The following UGT8 variants were observed in gnomAD, a reference collection of about 807,000 sequenced individuals.
UGT8 encodes 2-hydroxyacylsphingosine 1-beta-galactosyltransferase.
In UGT8, 12 loss-of-function variants were observed where a neutral mutation model predicts 40.5. The ratio of observed to expected loss-of-function variants is 0.30; its 90% CI spans 0.19 to 0.48. The LOEUF (loss-of-function observed/expected upper bound fraction) is 0.48. UGT8 is among the 20% of genes least tolerant of loss of function. The pLI, the probability that UGT8 is intolerant of heterozygous loss-of-function variation, is 0.99. For missense variants in UGT8, 513 were observed against 648.7 expected (o/e 0.79, Z 2.27); for synonymous variants, 224 against 240.4 (o/e 0.93, Z 0.63).
At chr4:114,638,802 T>C (rs1486980741) in intron 2 of UGT8, among the ~76,000 whole-genome samples, 1 of 152,240 alleles carries the variant, frequency 6.6e-6, no homozygotes, top group Non-Finnish European at 1.5e-5. Flanking sequence ...GTTTTGTAGG[T>C]CTGTTGTGGC....
chr4:114,667,965 T>C lies in UGT8; in HGVS notation c.1043-120T>C, dbSNP rs556937164. 92 of 1,454,090 alleles carry C rather than the reference T, an allele frequency of 6.3e-5. No homozygotes were observed. In the South Asian group the frequency reaches 1.0e-3, roughly 16 times the overall value. The allele number at this position is 1,454,090 out of a possible 1,614,324, so 90.1% of individuals were successfully genotyped here. On this transcript the variant is annotated intron_variant, in intron 4 of 5. Transcript: ENST00000310836. ...GCAGGAATCAGTGAAATTACACCTT[T>C]AGGAATCCTTTATCTGAAATGCATG...
chr4:114,661,457 C>T (rs1045233129), intron 2 of UGT8, among the ~76,000 whole-genome samples: 2 of 152,150 alleles, frequency 1.3e-5, no homozygotes, highest in African/African-American at 2.4e-5. Flanking sequence ...GTATTCTTAT[C>T]GTGAAGTTCC....
intron 1 of UGT8, among the ~76,000 whole-genome samples, chr4:114,612,363 G>A: frequency 6.6e-6 from 1 of 151,998 alleles, no homozygotes; most frequent in Non-Finnish European, 1.5e-5. Flanking sequence ...TTAGTCCTAG[G>A]CCTCATCCCC....
intron 1 of UGT8, chr4:114,619,285 G>A (rs1731626022): frequency 6.6e-6 from 1 of 151,960 alleles, no homozygotes; most frequent in Non-Finnish European, 1.5e-5. Flanking sequence ...ATATCTTCAG[G>A]GGAAGTCTGG....
In UGT8 at chr4:114,655,202, A is replaced by G. The variant is rs191011021; in HGVS notation, c.823-8793A>G. On this transcript the variant is annotated intron_variant, in intron 2 of 5. Coordinates refer to ENST00000310836, the MANE Select transcript of UGT8 (RefSeq NM_001128174.3). ...ATAAACTTTTATTTATTTAGTTTGC[A>G]TCATCCAGAATCCTGGGATATTTGT... 2.5e-3 allele frequency among the ~76,000 whole-genome samples: 378 copies of G among 152,104 alleles called. 2 individuals carry two copies. Among genetic ancestry groups the G allele is most frequent in the Non-Finnish European group, 3.0e-3 (205 of 67,956 alleles).
intron 2 of UGT8, among the ~76,000 whole-genome samples, chr4:114,630,286 C>T (rs150930746): frequency 1.1e-3 from 161 of 152,290 alleles, no homozygotes; most frequent in African/African-American, 3.8e-3. Flanking sequence ...TCAAATGGCC[C>T]TGACTTTTAG....
chr4:114,614,090 T>C (rs1731247534), intron 1 of UGT8, among the ~76,000 whole-genome samples: 1 of 152,192 alleles, frequency 6.6e-6, no homozygotes, highest in Non-Finnish European at 1.5e-5. Flanking sequence ...AAGCCAGCTA[T>C]CACTGATAAG....
chr4:114,641,242 A>G (rs149079121), intron 2 of UGT8, among the ~76,000 whole-genome samples: 1 of 152,312 alleles, frequency 6.6e-6, no homozygotes, highest in East Asian at 1.9e-4. Flanking sequence ...CTTCATAGAC[A>G]AGGTTACCCT....
At chr4:114,624,993 T>C (rs1732106390) in intron 2 of UGT8, among the ~76,000 whole-genome samples, 1 of 152,134 alleles carries the variant, frequency 6.6e-6, no homozygotes, top group Non-Finnish European at 1.5e-5. Flanking sequence ...AGAGTCACCT[T>C]CCTAAAGGTA....
chr4:114,615,569 A>G (rs899256282), intron 1 of UGT8, among the ~76,000 whole-genome samples: 5 of 152,158 alleles, frequency 3.3e-5, no homozygotes, highest in African/African-American at 1.2e-4. Context: ...ATAAGCAGGC[A>G]GGGCTGGTGT....
intron 2 of UGT8, among the ~76,000 whole-genome samples, chr4:114,659,463 C>T (rs547815825): frequency 2.0e-3 from 305 of 152,086 alleles, no homozygotes; most frequent in African/African-American, 7.0e-3. Flanking sequence ...GTATTTGGTC[C>T]CTTATTGTGA....
chr4:114,645,950 AT>A (rs1158738802), intron 2 of UGT8, among the ~76,000 whole-genome samples: 1 of 152,168 alleles, frequency 6.6e-6, no homozygotes, highest in Non-Finnish European at 1.5e-5. Flanking sequence ...AATAATGTAC[AT>A]TTTTAAGCAG....
At chr4:114,661,240 C>T (rs1734513922) in intron 2 of UGT8, among the ~76,000 whole-genome samples, 1 of 152,014 alleles carries the variant, frequency 6.6e-6, no homozygotes, top group African/African-American at 2.4e-5. Context: ...AGTACTTTTA[C>T]TTGTAAAAAT....
In UGT8 at chr4:114,676,069, T is replaced by C. The variant is rs762435743; in HGVS notation, c.1407T>C (p.Phe469=). 21 of 1,614,222 alleles carry C rather than the reference T, an allele frequency of 1.3e-5. No individual in the cohort carries two copies. The South Asian group carries it at 2.2e-4, about 17-fold the overall frequency. Residue 469 remains phenylalanine (F), a synonymous_variant, in exon 6 of 6, where the codon TTT becomes TTC. Transcript: ENST00000310836. ...GTGCCGCTGTCCATCAGATCTCCTT[T>C]TGTCAGTATTTTTTACTGGATATTG... is the stretch of plus-strand genomic sequence containing the variant. ...HLRAAVHQIS[F]CQYFLLDIAF... is the part of the protein sequence containing the mutation.
At chr4:114,666,923 G>A (rs561075978) in intron 4 of UGT8, among the ~76,000 whole-genome samples, 3 of 152,010 alleles carry the variant, frequency 2.0e-5, no homozygotes, top group Non-Finnish European at 2.9e-5. Context: ...AGATTCTTCC[G>A]GGATGAGAAG....
At chr4:114,642,229 G>C (rs944523555) in intron 2 of UGT8, among the ~76,000 whole-genome samples, 8 of 151,232 alleles carry the variant, frequency 5.3e-5, no homozygotes, top group African/African-American at 1.9e-4. Flanking sequence ...TTTTTTTAGC[G>C]ATTTATATCT....
chr4:114,632,110 G>A (rs963505429), intron 2 of UGT8, among the ~76,000 whole-genome samples: 2 of 152,146 alleles, frequency 1.3e-5, no homozygotes, highest in Non-Finnish European at 2.9e-5. Flanking sequence ...TTTGGCCTTC[G>A]AGTATATTTT....
At chr4:114,652,347 G>A (rs1208546041) in intron 2 of UGT8, among the ~76,000 whole-genome samples, 1 of 151,920 alleles carries the variant, frequency 6.6e-6, no homozygotes, top group African/African-American at 2.4e-5. Flanking sequence ...GACCTTGGAT[G>A]TCAGCTGGTA....
At chr4:114,614,899 A>G (rs1054908178) in intron 1 of UGT8, among the ~76,000 whole-genome samples, 3 of 145,954 alleles carry the variant, frequency 2.1e-5, no homozygotes, top group Non-Finnish European at 3.0e-5. Flanking sequence ...GGTGGCCTCA[A>G]TTTTCTGAAT....
Sources: allele counts gnomAD v4.1 joint callset (sites outside exome capture counted in the v4.1 genomes callset), GRCh38; gene constraint gnomAD v4.1.1; transcripts MANE v1.5; gene names NCBI Gene and HGNC (gene_info 2026-07-23, HGNC 2026-07-21).